The following FSIP1 variants were observed in gnomAD, a reference collection of about 807,000 sequenced individuals.
FSIP1 encodes fibrous sheath interacting protein 1, also known as fibrous sheath-interacting protein 1.
In FSIP1, 65 loss-of-function variants were observed where a neutral mutation model predicts 60.9. The observed-to-expected ratio is 1.07, with a 90% CI of 0.87 to 1.31. FSIP1 has a LOEUF of 1.31. Among genes scored for constraint, FSIP1 ranks in the 40% most tolerant of loss-of-function variants. The pLI, the probability that FSIP1 is intolerant of heterozygous loss-of-function variation, is 0.00. For synonymous variants in FSIP1, 209 were observed against 221.2 expected, an observed-to-expected ratio of 0.94 and a Z score of 0.49; for missense variants, 675 against 665.5, an observed-to-expected ratio of 1.01 and a Z score of -0.16.
chr15:39,738,257 A>T, intron 7 of FSIP1, 56 bp from the exon 8 acceptor site: 1 of 444,164 alleles, frequency 2.3e-6, no homozygotes, highest in East Asian at 3.2e-5. Context: ...ACAGTTCAGG[A>T]AAAAAAAAAT....
intron 5 of FSIP1, among the ~76,000 whole-genome samples, chr15:39,746,650 A>T (rs1897004274): frequency 6.6e-6 from 1 of 152,256 alleles, no homozygotes; most frequent in African/African-American, 2.4e-5. Context: ...GCATCCTGGT[A>T]ATCAATGGGA....
At chr15:39,726,469 T>C (rs566936559) in intron 9 of FSIP1, 120 bp downstream of exon 9, 7 of 980,316 alleles carry the variant, frequency 7.1e-6, no homozygotes, top group Admixed American at 6.0e-5. Context: ...CAAAGGAATA[T>C]ACACACTGTT....
At chr15:39,748,776 T>G (rs932819046) in intron 5 of FSIP1, among the ~76,000 whole-genome samples, 6 of 151,786 alleles carry the variant, frequency 4.0e-5, no homozygotes, top group African/African-American at 1.2e-4. Flanking sequence ...AATAACAAAC[T>G]AAACCTAGTT....
In FSIP1 at chr15:39,770,404, C is replaced by T. The variant is rs368212040; in HGVS notation, c.310+23G>A. On this transcript the variant is annotated intron_variant, in intron 3 of 11. Transcript: ENST00000350221. ...ATTAACATTTGTAATTATCATTAGC[C>T]AATCACCTAGTGATTATCCTACCTG... 2.7e-6 allele frequency: 4 copies of T among 1,471,506 alleles called. No individual in the cohort carries two copies. In the African/African-American group the frequency reaches 5.7e-5, roughly 21 times the overall value. 91.2% of individuals were successfully genotyped at this position (1,471,506 alleles called of 1,614,324 possible). A position where few individuals can be genotyped will look rare whatever the true frequency, so the allele number is the denominator to read the frequency against.
chr15:39,655,648 G>A lies in FSIP1; in HGVS notation c.1189-37403C>T, dbSNP rs73393258. On this transcript the variant is annotated intron_variant, in intron 10 of 11. Coordinates refer to ENST00000350221, the MANE Select transcript of FSIP1 (RefSeq NM_152597.5). ...TAAGTTTCTTAAACTCTCAAGTTTCGGTATCCTTATTTAAAATACTAGTTG... is the reference window on the plus strand; with the variant it reads ...TAAGTTTCTTAAACTCTCAAGTTTCAGTATCCTTATTTAAAATACTAGTTG... Among the ~76,000 whole-genome samples the A allele has an allele frequency of 9.8e-3, 1,494 of 152,164 alleles. 31 individuals are homozygous for A. The highest frequency in any genetic ancestry group is 0.034 in the African/African-American group (1,419 of 41,496).
chr15:39,666,981 T>C (rs1442591186), intron 10 of FSIP1, among the ~76,000 whole-genome samples: 2 of 152,208 alleles, frequency 1.3e-5, no homozygotes, highest in South Asian at 2.1e-4. Flanking sequence ...GAGATTACCA[T>C]TCTTCAGCTC....
chr15:39,660,269 T>C (rs766460619), intron 10 of FSIP1, among the ~76,000 whole-genome samples: 14 of 152,156 alleles, frequency 9.2e-5, no homozygotes, highest in Non-Finnish European at 1.9e-4. Context: ...TCTGTCCCCA[T>C]GCCTAGAGAG....
At chr15:39,690,473 T>C (rs1894551768) in intron 10 of FSIP1, among the ~76,000 whole-genome samples, 3 of 152,206 alleles carry the variant, frequency 2.0e-5, no homozygotes, top group Admixed American at 1.3e-4. Flanking sequence ...TCCCAGTTCA[T>C]TGGTTTTGAG....
At chr15:39,680,805 T>A (rs532201601) in intron 10 of FSIP1, among the ~76,000 whole-genome samples, 3 of 152,254 alleles carry the variant, frequency 2.0e-5, no homozygotes, top group African/African-American at 7.2e-5. Flanking sequence ...ATTTACTACA[T>A]ACCAGACACT....
intron 5 of FSIP1, among the ~76,000 whole-genome samples, chr15:39,748,810 G>C (rs1032378389): frequency 3.9e-5 from 6 of 151,920 alleles, no homozygotes; most frequent in African/African-American, 1.4e-4. Flanking sequence ...AAATAATAAA[G>C]ATCAGAACAG....
At chr15:39,648,453 G>A (rs1009154440) in intron 10 of FSIP1, among the ~76,000 whole-genome samples, 3 of 152,292 alleles carry the variant, frequency 2.0e-5, no homozygotes, top group Non-Finnish European at 2.9e-5. Context: ...CATACGCATC[G>A]TAAGTTCTTA....
At chr15:39,706,733 C>T (rs1253796512) in intron 10 of FSIP1, among the ~76,000 whole-genome samples, 1 of 152,144 alleles carries the variant, frequency 6.6e-6, no homozygotes, top group Non-Finnish European at 1.5e-5. Context: ...CTTTCTCCGC[C>T]TCCCCATCCA....
chr15:39,779,979 T>G (rs1595412859), intron 1 of FSIP1, among the ~76,000 whole-genome samples: 2 of 152,212 alleles, frequency 1.3e-5, no homozygotes, highest in Non-Finnish European at 2.9e-5. Context: ...GTCAGTTTTT[T>G]TACTTTATAT....
chr15:39,720,734 A>G (rs1436772131), intron 9 of FSIP1, among the ~76,000 whole-genome samples: 1 of 151,640 alleles, frequency 6.6e-6, no homozygotes, highest in African/African-American at 2.4e-5. Flanking sequence ...AAATTATAGA[A>G]CATCACTCAG....
At chr15:39,739,875 T>C in intron 6 of FSIP1, 86 bp from the exon 7 acceptor site, 1 of 789,288 alleles carries the variant, frequency 1.3e-6, no homozygotes, top group South Asian at 2.2e-5. Flanking sequence ...TTAAAATATA[T>C]AAGAACTAAA....
intron 10 of FSIP1, among the ~76,000 whole-genome samples, chr15:39,660,232 GAAGA>G (rs1364026981): frequency 1.3e-5 from 2 of 152,198 alleles, no homozygotes; most frequent in African/African-American, 4.8e-5. Flanking sequence ...TAGAGAGGGT[GAAGA>G]AAGGGGCAAC....
intron 9 of FSIP1, among the ~76,000 whole-genome samples, chr15:39,722,163 C>T (rs1419444533): frequency 6.6e-6 from 1 of 152,048 alleles, no homozygotes; most frequent in East Asian, 1.9e-4. Context: ...TGAACCCTAT[C>T]ATGAACTGCA....
At chr15:39,776,208 G>GGGAT in intron 2 of FSIP1, among the ~76,000 whole-genome samples, 191 bp downstream of exon 2, 1 of 132,800 alleles carries the variant, frequency 7.5e-6, no homozygotes, top group East Asian at 2.3e-4. Context: ...GAGGGAGGGA[G>GGGAT]GGAGGGAGGG....
At chr15:39,657,461 GTCTTAA>G (rs68031913) in intron 10 of FSIP1, among the ~76,000 whole-genome samples, 18,888 of 152,104 alleles carry the variant, frequency 0.12, 1,334 homozygotes, top group Middle Eastern at 0.27. Context: ...TATTTCTATT[GTCTTAA>G]TCTTAAGCAA....
Sources: gnomAD v4.1 joint callset for allele counts (sites outside exome capture counted in the v4.1 genomes callset) on GRCh38, gnomAD v4.1.1 for gene constraint, MANE v1.5 for transcripts, NCBI Gene and HGNC (gene_info 2026-07-23, HGNC 2026-07-21) for gene names.